CCDC188: variants seen among roughly 807,000 people sequenced by gnomAD.
The protein encoded by CCDC188 is coiled-coil domain-containing protein 188.
Under a neutral mutation model 50.7 loss-of-function variants are expected in CCDC188, and 37 were observed. The observed-to-expected ratio is 0.73, with a 90% CI of 0.56 to 0.96. The LOEUF is 0.96. Ranked by LOEUF, CCDC188 falls within the 40% of genes least tolerant of loss-of-function variation. The pLI is 0.00. For synonymous variants in CCDC188, 208 were observed against 228.0 expected (o/e 0.91, Z 0.79); for missense variants, 453 against 512.9 (o/e 0.88, Z 1.13).
chr22:20,149,840 G>T, intron 3 of CCDC188, 60 bp from the exon 4 acceptor site: 1 of 1,482,636 alleles, frequency 6.7e-7, no homozygotes, highest in Non-Finnish European at 9.0e-7. Context: ...GTACCTCCCC[G>T]CTGGGCCCAC....
rs1373011580 is a variant in CCDC188, at chr22:20,150,580, C to T, written c.407G>A (p.Arg136Gln). 7.8e-6 allele frequency: 12 copies of T among 1,546,672 alleles called. No homozygotes were observed. The highest frequency in any genetic ancestry group is 2.5e-5 in the East Asian group (1 of 40,800). Residue 136 changes from arginine (R) to glutamine (Q), a missense_variant, in exon 1 of 9, where the codon CGG becomes CAG. Physicochemically the swap from Arg to Gln is conservative, Grantham distance 43. Transcript: ENST00000439765. ...TRPCPCPPLS[R>Q]EGGALASPRV... ...GGGCGAGGCCAGGGCCCCTCCCTCC[C>T]GTGACAGGGGTGGGCATGGGCAGGG... is the stretch of plus-strand genomic sequence containing the variant.
In CCDC188 at chr22:20,148,893, C is replaced by T; in HGVS notation, c.1004G>A (p.Gly335Asp). ...KGRPKLGSSK[G>D]LAGQLWLLTL... is the part of the protein sequence containing the mutation. ...CACCTACCAGAGCTGGCCTGCCAGGCCCTTGGAGCTTCCCAGCTTTGGCCT... is the reference window on the plus strand; with the variant it reads ...CACCTACCAGAGCTGGCCTGCCAGGTCCTTGGAGCTTCCCAGCTTTGGCCT... The change falls in exon 8 of 9, where the codon GGC becomes GAC. Residue 335 changes from glycine to aspartate, a missense_variant. Physicochemically the swap from Gly to Asp is moderately conservative, Grantham distance 94. Coordinates refer to ENST00000439765, the MANE Select transcript of CCDC188 (RefSeq NM_001365892.2). 6.6e-7 allele frequency: 1 copy of T among 1,515,134 alleles called. No homozygotes were observed. The highest frequency in any genetic ancestry group is 8.9e-7 in the Non-Finnish European group (1 of 1,129,104). 93.9% of individuals were successfully genotyped at this position (1,515,134 alleles called of 1,614,324 possible). A position where few individuals can be genotyped will look rare whatever the true frequency, so the allele number is the denominator to read the frequency against.
rs143669016 is a variant in CCDC188 at position 20,148,480 on chromosome 22, C to T, written c.*134G>A. 44 of 1,385,104 alleles carry T rather than the reference C, an allele frequency of 3.2e-5. No homozygotes were observed. Among genetic ancestry groups the T allele is most frequent in the Non-Finnish European group, 3.9e-5 (42 of 1,073,528 alleles). The allele number at this position is 1,385,104 out of a possible 1,614,324, so 85.8% of individuals were successfully genotyped here. A position where few individuals can be genotyped will look rare whatever the true frequency, so the allele number is the denominator to read the frequency against. On this transcript the variant is annotated 3_prime_UTR_variant, in exon 9 of 9. Transcript: ENST00000439765. ...GGCCCAGCCCTCAGGACAGACCCCACCTCCACCCTTCTCTGCAGCTTCTGG... is the reference window on the plus strand; with the variant it reads ...GGCCCAGCCCTCAGGACAGACCCCATCTCCACCCTTCTCTGCAGCTTCTGG...
At position 20,148,769 on chromosome 22, in the gene CCDC188, G is replaced by C; in HGVS notation, c.1054C>G (p.Leu352Val). 1 of 1,478,742 alleles carries C rather than the reference G, an allele frequency of 6.8e-7. No individual in the cohort carries two copies. Among genetic ancestry groups the C allele is most frequent in the Non-Finnish European group, 9.0e-7 (1 of 1,108,166 alleles). 91.6% of individuals were successfully genotyped at this position (1,478,742 alleles called of 1,614,324 possible). A position where few individuals can be genotyped will look rare whatever the true frequency, so the allele number is the denominator to read the frequency against. The change falls in exon 9 of 9, where the codon CTG becomes GTG. Residue 352 changes from leucine (L) to valine (V), a missense_variant. Physicochemically the swap from Leu to Val is conservative, Grantham distance 32. Transcript: ENST00000439765. Reference protein sequence around the residue: ...LLTLRLLLGALLVWTAAYVYV... With the variant: ...LLTLRLLLGAVLVWTAAYVYV... The stretch of plus-strand genomic sequence containing the variant: ...ACGTAGGCAGCGGTCCAGACCAGCA[G>C]GGCGCCCAGCAGCAGCCTCAGGGTC...
Position 20,150,068 on chromosome 22 carries a change from G to A in CCDC188, c.628-9C>T. On this transcript the variant is annotated splice_polypyrimidine_tract_variant and intron_variant, in intron 2 of 8. Coordinates refer to ENST00000439765, the MANE Select transcript of CCDC188 (RefSeq NM_001365892.2). ...CCAGCCGGGTCGGGGGGCTGTGGGA[G>A]AGCCCCCAGATCAGCCCTAAGACTG... 6.5e-7 allele frequency: 1 copy of A among 1,546,416 alleles called. No homozygotes were observed. Among genetic ancestry groups the A allele is most frequent in the Non-Finnish European group, 8.7e-7 (1 of 1,145,188 alleles).
At chr22:20,150,361 G>A (rs2050602619) in intron 1 of CCDC188, 107 bp downstream of exon 1, 14 of 1,086,902 alleles carry the variant, frequency 1.3e-5, no homozygotes, top group Admixed American at 2.3e-5. Flanking sequence ...CTGGGGCAGG[G>A]GCAGGGGCAG....
Position 20,148,580 on chromosome 22 carries a change from CT to C in CCDC188, c.*33del, listed in dbSNP as rs2050557398. 8.6e-6 allele frequency: 13 copies of C among 1,509,852 alleles called. No homozygotes were observed. The East Asian group carries it at 3.2e-4, about 38-fold the overall frequency. 93.5% of individuals were successfully genotyped at this position (1,509,852 alleles called of 1,614,324 possible). ...GGGCATCCGGGGCAGTGCTGGTCGC[CT>C]GGCCTCCTTGCTGGGGCCGCTGGGC... is the stretch of plus-strand genomic sequence containing the variant. On this transcript the variant is annotated 3_prime_UTR_variant, in exon 9 of 9. Transcript: ENST00000439765.
rs2050559066 is a variant in CCDC188 at position 20,148,653 on chromosome 22, G to A, written c.1170C>T (p.Pro390=). 6.5e-7 allele frequency: 1 copy of A among 1,547,770 alleles called. No homozygotes were observed. The highest frequency in any genetic ancestry group is 8.7e-7 in the Non-Finnish European group (1 of 1,145,970). ...TVWKLRALLD[P]FLRLKVDGFL... is the part of the protein sequence containing the mutation. ...AGCCGTCCACTTTGAGGCGCAGGAA[G>A]GGGTCCAGCAGGGCCCGGAGCTTCC... The change falls in exon 9 of 9, where the codon CCC becomes CCT. Residue 390 remains proline (P), a synonymous_variant. Transcript: ENST00000439765.
chr22:20,148,622 G>C lies in CCDC188; in HGVS notation c.1201C>G (p.Pro401Ala). 1 of 1,544,302 alleles carries C rather than the reference G, an allele frequency of 6.5e-7. No homozygotes were observed. The highest frequency in any genetic ancestry group is 8.7e-7 in the Non-Finnish European group (1 of 1,144,790). Residue 401 changes from proline to alanine, a missense_variant, in exon 9 of 9, where the codon CCC becomes GCC. Pro to Ala is a conservative substitution (Grantham distance 27). Coordinates refer to ENST00000439765, the MANE Select transcript of CCDC188 (RefSeq NM_001365892.2). ...GCCGCTGGGCCTCTGGCCTAGAAGG[G>C]CAGGAAGCCGTCCACTTTGAGGCGC... ...FLRLKVDGFLPF is the reference protein window; with the variant it reads ...FLRLKVDGFLAF
Position 20,150,909 on chromosome 22 carries a change from A to C in CCDC188, c.78T>G (p.His26Gln). 8.8e-7 allele frequency: 1 copy of C among 1,140,058 alleles called. No individual in the cohort carries two copies. The highest frequency in any genetic ancestry group is 1.1e-6 in the Non-Finnish European group (1 of 873,904). The allele number at this position is 1,140,058 out of a possible 1,614,324, so 70.6% of individuals were successfully genotyped here. ...QCPPTPASSS[H>Q]GGGLDQPCQG... The stretch of plus-strand genomic sequence containing the variant: ...GGCAGGGCTGGTCCAGGCCTCCTCC[A>C]TGGCTGCTGGAGGCTGGGGTTGGGG... Residue 26 changes from histidine to glutamine, a missense_variant, in exon 1 of 9, where the codon CAT (histidine) becomes CAG (glutamine). Physicochemically the swap from His to Gln is conservative, Grantham distance 24. Coordinates refer to ENST00000439765, the MANE Select transcript of CCDC188 (RefSeq NM_001365892.2).
chr22:20,150,276 G>T, intron 1 of CCDC188, 26 bp from the exon 2 acceptor site: 1 of 1,496,180 alleles, frequency 6.7e-7, no homozygotes, highest in Non-Finnish European at 9.0e-7. Flanking sequence ...GAGAGAGGGG[G>T]CTGCCTGTCA....
chr22:20,148,422 G>T lies in CCDC188; in HGVS notation c.*192C>A. 1 of 1,272,876 alleles carries T rather than the reference G, an allele frequency of 7.9e-7. No homozygotes were observed. The highest frequency in any genetic ancestry group is 9.9e-7 in the Non-Finnish European group (1 of 1,006,156). The allele number at this position is 1,272,876 out of a possible 1,614,324, so 78.8% of individuals were successfully genotyped here. ...AATTTCCACAGAGACGTGCTCACCG[G>T]CCACTTATGTCATGATTCTATGTCC... On this transcript the variant is annotated 3_prime_UTR_variant, in exon 9 of 9. Transcript: ENST00000439765.
rs1362645664 is a variant in CCDC188, at chr22:20,149,175, T to TG, written c.972+11dup. The TG allele has an allele frequency of 6.8e-6, 10 of 1,463,318 alleles. No homozygotes were observed. Among genetic ancestry groups the TG allele is most frequent in the Middle Eastern group, 3.6e-4 (2 of 5,600 alleles). The allele number at this position is 1,463,318 out of a possible 1,614,324, so 90.6% of individuals were successfully genotyped here. A position where few individuals can be genotyped will look rare whatever the true frequency, so the allele number is the denominator to read the frequency against. ...TGGTCTCCAGACCCAGAGTGGGGCG[T>TG]GGGGGGCTCACCGACATGCTTGCCA... On this transcript the variant is annotated intron_variant, in intron 7 of 8. Transcript: ENST00000439765.
At position 20,149,993 on chromosome 22, in the gene CCDC188, G is replaced by T; in HGVS notation, c.694C>A (p.Leu232Met). The change falls in exon 3 of 9, where the codon CTG (leucine) becomes ATG (methionine). Residue 232 changes from leucine to methionine, a missense_variant. Leu to Met is a conservative substitution (Grantham distance 15). Coordinates refer to ENST00000439765, the MANE Select transcript of CCDC188 (RefSeq NM_001365892.2). ...ACGAAAGCCTCTTGCCCCTGGCACA[G>T]CTCCCGCCGCAGCAGCTGCAGAGGT... ...RAPLQLLRRE[L>M]CQGQEAFVQQ... The T allele has an allele frequency of 6.5e-7, 1 of 1,548,060 alleles. No homozygotes were observed. Among genetic ancestry groups the T allele is most frequent in the Non-Finnish European group, 8.7e-7 (1 of 1,146,656 alleles).
Position 20,150,133 on chromosome 22 carries a change from C to G in CCDC188, c.627+10G>C, listed in dbSNP as rs965178982. 5.2e-6 allele frequency: 8 copies of G among 1,543,162 alleles called. No individual in the cohort carries two copies. Among genetic ancestry groups the G allele is most frequent in the Non-Finnish European group, 7.0e-6 (8 of 1,141,674 alleles). On this transcript the variant is annotated intron_variant, in intron 2 of 8. Coordinates refer to ENST00000439765, the MANE Select transcript of CCDC188 (RefSeq NM_001365892.2). Reference sequence around the variant, plus strand: ...GTTGGCTGCATGGGGTCCCTGGGCCCTGTATTTACCCAGGCCAGAGCAGTG... The same window carrying G: ...GTTGGCTGCATGGGGTCCCTGGGCCGTGTATTTACCCAGGCCAGAGCAGTG...
In CCDC188 at chr22:20,150,463, C is replaced by A; in HGVS notation, c.519+5G>T. 1 of 1,518,220 alleles carries A rather than the reference C, an allele frequency of 6.6e-7. No individual in the cohort carries two copies. The highest frequency in any genetic ancestry group is 8.8e-7 in the Non-Finnish European group (1 of 1,132,646). The allele number at this position is 1,518,220 out of a possible 1,614,324, so 94.0% of individuals were successfully genotyped here. A position where few individuals can be genotyped will look rare whatever the true frequency, so the allele number is the denominator to read the frequency against. On this transcript the variant is annotated splice_donor_5th_base_variant and intron_variant, in intron 1 of 8. Transcript: ENST00000439765. ...TGGGGCTGGGGCGGTGGGTGGGGTGCTCACCAGGCTGTGGTTCTCCTGCTC... is the reference window on the plus strand; with the variant it reads ...TGGGGCTGGGGCGGTGGGTGGGGTGATCACCAGGCTGTGGTTCTCCTGCTC...
At chr22:20,149,524 C>T (rs9606265) in intron 5 of CCDC188, 48 bp from the exon 6 acceptor site, 245,688 of 1,549,852 alleles carry the variant, frequency 0.16, 21,350 homozygotes, top group South Asian at 0.18. Flanking sequence ...CCCCGCCCTC[C>T]GTGGCCTCTC....
intron 7 of CCDC188, 42 bp from the exon 8 acceptor site, chr22:20,148,966 A>G: frequency 6.9e-7 from 1 of 1,451,256 alleles, no homozygotes; most frequent in Middle Eastern, 2.4e-4. Context: ...CCGAGTGTCC[A>G]GGCTGAGGGC....
At chr22:20,150,391 G>A in intron 1 of CCDC188, 77 bp downstream of exon 1, 1 of 1,335,618 alleles carries the variant, frequency 7.5e-7, no homozygotes, top group Non-Finnish European at 1.0e-6. Flanking sequence ...GTGGTGGGTG[G>A]GGCTGGGGCT....
Sources: allele counts gnomAD v4.1 joint callset, GRCh38; gene constraint gnomAD v4.1.1; transcripts MANE v1.5; gene names NCBI Gene and HGNC (gene_info 2026-07-23, HGNC 2026-07-21).